The following MEMO1 variants were observed in gnomAD, a reference collection of about 807,000 sequenced individuals.
MEMO1 encodes the protein mediator of cell motility 1.
A neutral mutation model predicts 45.2 loss-of-function variants in MEMO1; 6 were observed. The observed-to-expected ratio is 0.13, with a 90% confidence interval of 0.07 to 0.26. The LOEUF (loss-of-function observed/expected upper bound fraction) is 0.26. Among genes scored for constraint, MEMO1 ranks in the 10% least tolerant of loss-of-function variants. The probability of loss-of-function intolerance (pLI) is 1.00; values close to 1 mark genes in which losing one functional copy is unlikely to be tolerated. For synonymous variants in MEMO1, 78 were observed against 124.3 expected (o/e 0.63, Z 2.48); for missense variants, 184 against 370.5 (o/e 0.50, Z 4.13).
intron 2 of MEMO1, among the ~76,000 whole-genome samples, chr2:31,982,487 G>A (rs1670760717): frequency 6.6e-6 from 1 of 151,440 alleles, no homozygotes; most frequent in Non-Finnish European, 1.5e-5. Context: ...CTACTCGGGA[G>A]GCTGGGGCAG....
intron 4 of MEMO1, chr2:31,923,431 C>T (rs1682629690): frequency 4.9e-6 from 2 of 405,586 alleles, no homozygotes; most frequent in Non-Finnish European, 8.6e-6. Context: ...TCACCTCTAT[C>T]ATCAATTCGA....
At chr2:31,994,281 A>C (rs1021656388) in intron 2 of MEMO1, among the ~76,000 whole-genome samples, 2 of 151,634 alleles carry the variant, frequency 1.3e-5, no homozygotes, top group African/African-American at 2.4e-5. Flanking sequence ...TTCTTAAATG[A>C]ATACCACAAA....
At chr2:31,933,383 A>ATG (rs1185585265) in intron 3 of MEMO1, among the ~76,000 whole-genome samples, 6 of 112,636 alleles carry the variant, frequency 5.3e-5, no homozygotes, top group African/African-American at 1.9e-4. Flanking sequence ...ATATATATAT[A>ATG]GAAAGGGGAA....
intron 8 of MEMO1, among the ~76,000 whole-genome samples, chr2:31,879,990 T>C (rs1310959623): frequency 6.6e-6 from 1 of 152,132 alleles, no homozygotes; most frequent in Non-Finnish European, 1.5e-5. Flanking sequence ...ATGACACACC[T>C]AATTAATCCC....
chr2:31,991,315 G>C (rs1357803276), intron 2 of MEMO1, among the ~76,000 whole-genome samples: 1 of 152,128 alleles, frequency 6.6e-6, no homozygotes, highest in African/African-American at 2.4e-5. Flanking sequence ...GCTCACCCCT[G>C]TAATCCCAGC....
chr2:31,902,149 G>A (rs998674198), intron 6 of MEMO1, among the ~76,000 whole-genome samples: 7 of 151,960 alleles, frequency 4.6e-5, no homozygotes, highest in Non-Finnish European at 7.4e-5. Context: ...AGGTGTGCTG[G>A]CTCACACCTG....
intron 2 of MEMO1, among the ~76,000 whole-genome samples, chr2:31,946,293 A>G (rs926928267): frequency 6.6e-6 from 1 of 152,176 alleles, no homozygotes; most frequent in Non-Finnish European, 1.5e-5. Context: ...CACTGAAATT[A>G]AGCATCTACT....
intron 4 of MEMO1, among the ~76,000 whole-genome samples, chr2:31,925,500 T>C (rs1397957764): frequency 7.0e-4 from 48 of 69,044 alleles, no homozygotes; most frequent in African/African-American, 2.3e-3. Flanking sequence ...AAAAAAAAAA[T>C]CTGTTCCCGG....
intron 6 of MEMO1, among the ~76,000 whole-genome samples, chr2:31,906,130 T>G (rs760012724): frequency 6.6e-6 from 1 of 151,342 alleles, no homozygotes; most frequent in Non-Finnish European, 1.5e-5. Flanking sequence ...CACCCACACC[T>G]GGCTAATTTT....
intron 6 of MEMO1, among the ~76,000 whole-genome samples, chr2:31,895,837 C>CTTTTTTTTTTTTTTT (rs71412853): frequency 2.4e-5 from 2 of 84,742 alleles, no homozygotes. Context: ...AGAAAAAAAT[C>CTTTTTTTTTTTTTTT]TTTTTTTTTT....
intron 6 of MEMO1, among the ~76,000 whole-genome samples, chr2:31,912,437 C>T (rs1680709204): frequency 6.7e-6 from 1 of 148,484 alleles, no homozygotes; most frequent in South Asian, 2.1e-4. Context: ...CACCTGAACC[C>T]AGGAGGCGGA....
intron 2 of MEMO1, among the ~76,000 whole-genome samples, chr2:32,005,325 A>C (rs574406500): frequency 6.6e-6 from 1 of 151,746 alleles, no homozygotes; most frequent in South Asian, 2.1e-4. Context: ...CACCAAAAAA[A>C]AAAAAAAAAA....
intron 2 of MEMO1, among the ~76,000 whole-genome samples, chr2:31,946,753 C>T (rs1054406665): frequency 6.6e-5 from 10 of 152,054 alleles, no homozygotes; most frequent in African/African-American, 2.4e-4. Context: ...GTCCCAGCTA[C>T]TTGGGAGGCT....
rs1300839805 is a variant in MEMO1, at chr2:32,010,731, C to G, written c.-18+211G>C. ...CCACCCCCACCCCCGGCAGGGCCCT[C>G]CAGCCCGGCCGCCCGCCGCCGGCCC... On this transcript the variant is annotated intron_variant, in intron 1 of 9. Coordinates refer to ENST00000404530, the MANE Select transcript of MEMO1 (RefSeq NM_001301833.4). Among the ~76,000 whole-genome samples the G allele has an allele frequency of 2.0e-5, 3 of 150,468 alleles. 1 individual carries two copies. Among genetic ancestry groups the G allele is most frequent in the Admixed American group, 1.3e-4 (2 of 15,172 alleles).
chr2:31,915,513 T>C (rs1345029375), intron 6 of MEMO1, among the ~76,000 whole-genome samples: 2 of 151,310 alleles, frequency 1.3e-5, no homozygotes, highest in Non-Finnish European at 2.9e-5. Flanking sequence ...TAGGACATAA[T>C]AGGCCTAGAA....
intron 8 of MEMO1, among the ~76,000 whole-genome samples, chr2:31,877,250 G>C (rs1054779018): frequency 1.3e-5 from 2 of 152,210 alleles, no homozygotes; most frequent in Non-Finnish European, 2.9e-5. Context: ...AAATGAGTAA[G>C]TCATGCAGTA....
chr2:31,986,413 A>G (rs1671264864), intron 2 of MEMO1, among the ~76,000 whole-genome samples: 1 of 152,130 alleles, frequency 6.6e-6, no homozygotes, highest in Admixed American at 6.6e-5. Flanking sequence ...CGGAGCTTGC[A>G]GTGAGCCGAG....
intron 2 of MEMO1, among the ~76,000 whole-genome samples, chr2:31,944,044 G>C (rs1173125029): frequency 6.6e-6 from 1 of 152,048 alleles, no homozygotes; most frequent in Non-Finnish European, 1.5e-5. Flanking sequence ...CATCATCACA[G>C]TCATTTCCTT....
At chr2:31,894,504 A>G (rs1677444274) in intron 6 of MEMO1, among the ~76,000 whole-genome samples, 1 of 152,186 alleles carries the variant, frequency 6.6e-6, no homozygotes, top group Admixed American at 6.5e-5. Context: ...ACAGCCATAG[A>G]GAGACTTGAT....
Sources: allele counts gnomAD v4.1 joint callset (sites outside exome capture counted in the v4.1 genomes callset), GRCh38; gene constraint gnomAD v4.1.1; transcripts MANE v1.5; gene names NCBI Gene and HGNC (gene_info 2026-07-23, HGNC 2026-07-21).